Variants in UBL3 observed in about 807,000 individuals in gnomAD.
UBL3 encodes ubiquitin like 3.
In UBL3, 6 loss-of-function variants were observed where a neutral mutation model predicts 18.4. The ratio of observed to expected loss-of-function variants is 0.33; its 90% confidence interval spans 0.18 to 0.64. UBL3 has a LOEUF of 0.64. Among genes scored for constraint, UBL3 ranks in the 30% least tolerant of loss-of-function variants. UBL3 has a pLI of 0.76. For missense variants in UBL3, 109 were observed against 142.9 expected, an observed-to-expected ratio of 0.76 and a Z score of 1.21; for synonymous variants, 49 against 46.6, an observed-to-expected ratio of 1.05 and a Z score of -0.21.
chr13:29,827,959 G>T (rs1565999448), intron 1 of UBL3, among the ~76,000 whole-genome samples: 2 of 152,168 alleles, frequency 1.3e-5, no homozygotes, highest in Admixed American at 6.5e-5. Context: ...GGCTGGATAT[G>T]AAATTCTGGG....
chr13:29,777,400 A>C (rs1488622418), intron 1 of UBL3, 137 bp from the exon 2 acceptor site: 4 of 738,922 alleles, frequency 5.4e-6, no homozygotes, highest in Non-Finnish European at 4.6e-6. Context: ...AAATTCTATA[A>C]AACTTTTTTA....
chr13:29,795,429 A>G (rs955966712), intron 1 of UBL3, among the ~76,000 whole-genome samples: 1 of 151,968 alleles, frequency 6.6e-6, no homozygotes, highest in Non-Finnish European at 1.5e-5. Context: ...AATACATATA[A>G]CTCTTACTAG....
intron 1 of UBL3, among the ~76,000 whole-genome samples, chr13:29,830,995 C>A (rs1878756620): frequency 6.6e-6 from 1 of 152,126 alleles, no homozygotes; most frequent in African/African-American, 2.4e-5. Flanking sequence ...CCTTGAGTTT[C>A]TCCCTATATG....
chr13:29,831,648 G>A (rs953486298), intron 1 of UBL3, among the ~76,000 whole-genome samples: 3 of 148,342 alleles, frequency 2.0e-5, no homozygotes, highest in African/African-American at 5.0e-5. Context: ...CTTTCTATAT[G>A]ATAGTTGACT....
chr13:29,846,646 G>C (rs1879234278), intron 1 of UBL3, among the ~76,000 whole-genome samples: 1 of 152,128 alleles, frequency 6.6e-6, no homozygotes, highest in Admixed American at 6.5e-5. Context: ...AATTATTGTA[G>C]CTCGAGAATA....
Position 29,777,269 on chromosome 13 carries a change from A to G in UBL3, c.28-6T>C, listed in dbSNP as rs1284967207. On this transcript the variant is annotated splice_polypyrimidine_tract_variant and splice_region_variant and intron_variant, in intron 1 of 4. Transcript: ENST00000380680. ...AAAATGAGGCGCAAATTTATCTGAA[A>G]GAAGACAATGATTCTTTTAACATAA... 1 of 1,599,240 alleles carries G rather than the reference A, an allele frequency of 6.3e-7. No individual in the cohort carries two copies. The highest frequency in any genetic ancestry group is 8.5e-7 in the Non-Finnish European group (1 of 1,173,186).
At chr13:29,774,681 AT>A (rs1387937581) in intron 2 of UBL3, among the ~76,000 whole-genome samples, 1 of 152,102 alleles carries the variant, frequency 6.6e-6, no homozygotes, top group Non-Finnish European at 1.5e-5. Flanking sequence ...ATAAATCAGT[AT>A]TTCTTAAATT....
rs370246801 is a variant in UBL3 at position 29,827,669 on chromosome 13, G to C, written c.27+21843C>G. 2.7e-4 allele frequency among the ~76,000 whole-genome samples: 41 copies of C among 152,234 alleles called. No homozygotes were observed. The South Asian group carries it at 5.4e-3, about 20-fold the overall frequency. Reference sequence around the variant, plus strand: ...CTGTGTCTTTTAATTGGAGCATTTAGTCCATTTACATTTAAGGTTAATATT... The same window carrying C: ...CTGTGTCTTTTAATTGGAGCATTTACTCCATTTACATTTAAGGTTAATATT... On this transcript the variant is annotated intron_variant, in intron 1 of 4. Coordinates refer to ENST00000380680, the MANE Select transcript of UBL3 (RefSeq NM_007106.4).
At chr13:29,792,229 C>A (rs1267847946) in intron 1 of UBL3, among the ~76,000 whole-genome samples, 1 of 152,062 alleles carries the variant, frequency 6.6e-6, no homozygotes, top group Non-Finnish European at 1.5e-5. Context: ...CTGGACACTT[C>A]GTGTATAACC....
intron 1 of UBL3, among the ~76,000 whole-genome samples, chr13:29,840,993 A>G (rs1204023036): frequency 6.6e-6 from 1 of 152,210 alleles, no homozygotes; most frequent in Non-Finnish European, 1.5e-5. Context: ...CAATGAGAAT[A>G]GCAGGATACA....
At chr13:29,818,873 C>T (rs1718170669) in intron 1 of UBL3, among the ~76,000 whole-genome samples, 1 of 152,096 alleles carries the variant, frequency 6.6e-6, no homozygotes, top group Non-Finnish European at 1.5e-5. Context: ...GTTAATTTTT[C>T]AATTGCTAAA....
chr13:29,846,624 A>C (rs960988549), intron 1 of UBL3, among the ~76,000 whole-genome samples: 1 of 152,174 alleles, frequency 6.6e-6, no homozygotes, highest in African/African-American at 2.4e-5. Flanking sequence ...CAAAAACATC[A>C]ATTGATTTAG....
At chr13:29,779,253 C>A (rs1403102245) in intron 1 of UBL3, 3 of 506,080 alleles carry the variant, frequency 5.9e-6, no homozygotes, top group Non-Finnish European at 1.2e-5. Flanking sequence ...AGATACATTA[C>A]TACTCATGGT....
intron 1 of UBL3, among the ~76,000 whole-genome samples, chr13:29,825,493 GCTCT>G (rs1161188287): frequency 9.9e-5 from 15 of 152,060 alleles, no homozygotes; most frequent in East Asian, 1.9e-4. Flanking sequence ...TCATGATTTG[GCTCT>G]CTGTTTGTCT....
At chr13:29,827,190 G>A (rs1270593880) in intron 1 of UBL3, among the ~76,000 whole-genome samples, 2 of 152,232 alleles carry the variant, frequency 1.3e-5, no homozygotes, top group Non-Finnish European at 2.9e-5. Context: ...TTCTGTAGAT[G>A]TCTATTAGGT....
At chr13:29,812,192 T>C in intron 1 of UBL3, among the ~76,000 whole-genome samples, 2 of 152,204 alleles carry the variant, frequency 1.3e-5, no homozygotes, top group South Asian at 4.1e-4. Context: ...TTATTCCCCA[T>C]GTAAACCTTC....
chr13:29,831,583 CG>C (rs1320988093), intron 1 of UBL3, among the ~76,000 whole-genome samples: 3 of 145,486 alleles, frequency 2.1e-5, no homozygotes, highest in Non-Finnish European at 4.5e-5. Context: ...AGCAAAACTC[CG>C]TCTCAAAAGA....
intron 1 of UBL3, among the ~76,000 whole-genome samples, chr13:29,804,395 C>T (rs546364341): frequency 6.6e-6 from 1 of 152,096 alleles, no homozygotes; most frequent in South Asian, 2.1e-4. Context: ...AATTAACAAC[C>T]TAACATTACA....
chr13:29,767,640 T>C lies in UBL3; in HGVS notation c.279A>G (p.Thr93=), dbSNP rs1263100083. Residue 93 remains threonine (T), a synonymous_variant, in exon 4 of 5, where the codon ACA becomes ACG. Coordinates refer to ENST00000380680, the MANE Select transcript of UBL3 (RefSeq NM_007106.4). ...TACCTTGAGAGTTTGGCTCTGGTAA[T>C]GTCTCTCTGGCCACCAAATGCATCA... ...TTVMHLVARE[T]LPEPNSQGQR... is the part of the protein sequence containing the mutation. 1.2e-6 allele frequency: 2 copies of C among 1,613,078 alleles called. No individual in the cohort carries two copies. The highest frequency in any genetic ancestry group is 1.7e-5 in the Admixed American group (1 of 59,956).
Sources: allele counts gnomAD v4.1 joint callset (sites outside exome capture counted in the v4.1 genomes callset), GRCh38; gene constraint gnomAD v4.1.1; transcripts MANE v1.5; gene names NCBI Gene and HGNC (gene_info 2026-07-23, HGNC 2026-07-21).